Variants in POT1 observed in about 807,000 individuals in gnomAD.
POT1 encodes protection of telomeres 1.
A neutral mutation model predicts 78.5 loss-of-function variants in POT1; 47 were observed. That is an observed-to-expected ratio of 0.60 (90% CI 0.47 to 0.76). The LOEUF (loss-of-function observed/expected upper bound fraction) is 0.76, where lower values mean the gene tolerates loss of function less well. Among genes scored for constraint, POT1 ranks in the 30% least tolerant of loss-of-function variants. The pLI is 0.00. For synonymous variants in POT1, 259 were observed against 260.7 expected (o/e 0.99, Z 0.06); for missense variants, 646 against 749.9 (o/e 0.86, Z 1.62).
chr7:124,833,309 G>T (rs1224002753), intron 15 of POT1, among the ~76,000 whole-genome samples: 1 of 152,080 alleles, frequency 6.6e-6, no homozygotes, highest in African/African-American at 2.4e-5. Context: ...AATTAGGGAG[G>T]TATCATGCTT....
chr7:124,927,919 G>C (rs1159246472), intron 2 of POT1, among the ~76,000 whole-genome samples: 1 of 151,934 alleles, frequency 6.6e-6, no homozygotes, highest in Non-Finnish European at 1.5e-5. Context: ...ATCCTGTCAG[G>C]TCTAAAGGAA....
At chr7:124,914,974 C>T (rs1055633838) in intron 3 of POT1, among the ~76,000 whole-genome samples, 2 of 152,134 alleles carry the variant, frequency 1.3e-5, no homozygotes, top group African/African-American at 2.4e-5. Flanking sequence ...TGCTCTACCA[C>T]CTTAACTTGC....
At chr7:124,842,265 T>C (rs752483722) in intron 13 of POT1, among the ~76,000 whole-genome samples, 9 of 152,030 alleles carry the variant, frequency 5.9e-5, no homozygotes, top group Admixed American at 4.6e-4. Context: ...GAGCCGATTA[T>C]GTAGTAAAAG....
intron 11 of POT1, among the ~76,000 whole-genome samples, chr7:124,851,025 G>T (rs1290552424): frequency 6.6e-6 from 1 of 152,056 alleles, no homozygotes; most frequent in African/African-American, 2.4e-5. Flanking sequence ...CAGAATTTTG[G>T]GAGGCTAAGG....
Position 124,823,855 on chromosome 7 carries a change from A to G in POT1, c.*107T>C, listed in dbSNP as rs1273379591. 7 of 734,568 alleles carry G rather than the reference A, an allele frequency of 9.5e-6. No homozygotes were observed. The highest frequency in any genetic ancestry group is 4.6e-4 in the Middle Eastern group (2 of 4,332). The allele number at this position is 734,568 out of a possible 1,614,324, so 45.5% of individuals were successfully genotyped here. ...AAGGACATTTTCTAATCCCATACCC[A>G]TGCTAACATCATCAACATTGCTGAT... On this transcript the variant is annotated 3_prime_UTR_variant, in exon 19 of 19. Coordinates refer to ENST00000357628, the MANE Select transcript of POT1 (RefSeq NM_015450.3).
chr7:124,828,891 AGTTTCAG>A (rs1473506707), intron 16 of POT1: 1 of 539,714 alleles, frequency 1.9e-6, no homozygotes, highest in East Asian at 5.0e-5. Flanking sequence ...CTGAGTGTCC[AGTTTCAG>A]GTAAATAATA....
chr7:124,858,747 A>C (rs1324470298), intron 9 of POT1: 7 of 351,190 alleles, frequency 2.0e-5, no homozygotes, highest in East Asian at 9.0e-5. Context: ...ACATTTAAGA[A>C]AGATTATTTT....
intron 15 of POT1, among the ~76,000 whole-genome samples, chr7:124,834,804 T>C (rs1226708430): frequency 2.0e-5 from 3 of 152,208 alleles, no homozygotes; most frequent in African/African-American, 2.4e-5. Flanking sequence ...TGTACGTTTA[T>C]TGCAGCACTA....
chr7:124,900,278 C>G (rs1020598481), intron 3 of POT1, among the ~76,000 whole-genome samples: 1 of 151,960 alleles, frequency 6.6e-6, no homozygotes, highest in Non-Finnish European at 1.5e-5. Flanking sequence ...TTATTTTGAG[C>G]CACTGCTACA....
chr7:124,926,739 T>A (rs573227087), intron 2 of POT1, among the ~76,000 whole-genome samples: 5 of 152,358 alleles, frequency 3.3e-5, no homozygotes, highest in African/African-American at 1.2e-4. Context: ...CAATACTATT[T>A]AGACATTAAA....
chr7:124,870,174 TA>T (rs2116564930), intron 7 of POT1, among the ~76,000 whole-genome samples: 1 of 152,222 alleles, frequency 6.6e-6, no homozygotes, highest in East Asian at 1.9e-4. Context: ...ACAAAATATT[TA>T]AAAGCTGTCC....
intron 12 of POT1, among the ~76,000 whole-genome samples, chr7:124,844,833 A>T (rs1239632452): frequency 6.6e-6 from 1 of 151,948 alleles, no homozygotes; most frequent in Admixed American, 6.6e-5. Flanking sequence ...TCATATTTTA[A>T]CCTAAAGTTT....
chr7:124,841,866 T>G (rs967343231), intron 13 of POT1, among the ~76,000 whole-genome samples: 5 of 152,012 alleles, frequency 3.3e-5, no homozygotes, highest in African/African-American at 1.2e-4. Context: ...TGATAATATT[T>G]GAAGAATTAT....
intron 3 of POT1, among the ~76,000 whole-genome samples, chr7:124,906,863 G>A (rs1405432046): frequency 2.0e-5 from 3 of 151,940 alleles, no homozygotes; most frequent in Non-Finnish European, 4.4e-5. Context: ...AAACATTCAA[G>A]TACACAGAGG....
intron 3 of POT1, among the ~76,000 whole-genome samples, chr7:124,902,261 A>C (rs182257348): frequency 1.2e-3 from 181 of 152,316 alleles, no homozygotes; most frequent in African/African-American, 4.1e-3. Context: ...AAAAAATGTT[A>C]AGAGCAGCCA....
chr7:124,900,170 A>C (rs1039249033), intron 3 of POT1, among the ~76,000 whole-genome samples: 2 of 152,176 alleles, frequency 1.3e-5, no homozygotes, highest in African/African-American at 4.8e-5. Flanking sequence ...TCTCATCCCA[A>C]GCAACTCTGC....
At chr7:124,926,198 A>G (rs558392123) in intron 2 of POT1, among the ~76,000 whole-genome samples, 3 of 152,210 alleles carry the variant, frequency 2.0e-5, no homozygotes, top group Non-Finnish European at 4.4e-5. Context: ...CAAACTATAC[A>G]TTCAACAGAG....
chr7:124,823,781 C>T lies in POT1; in HGVS notation c.*181G>A. ...GCAAAACAGAAAGCAAAACAAAATCCATAGCCATTATTTACCTTGCACCCA... is the reference window on the plus strand; with the variant it reads ...GCAAAACAGAAAGCAAAACAAAATCTATAGCCATTATTTACCTTGCACCCA... On this transcript the variant is annotated 3_prime_UTR_variant, in exon 19 of 19. Transcript: ENST00000357628. 1.8e-6 allele frequency: 1 copy of T among 547,164 alleles called. No individual in the cohort carries two copies. Among genetic ancestry groups the T allele is most frequent in the Non-Finnish European group, 3.2e-6 (1 of 312,360 alleles). 33.9% of individuals were successfully genotyped at this position (547,164 alleles called of 1,614,324 possible). A position where few individuals can be genotyped will look rare whatever the true frequency, so the allele number is the denominator to read the frequency against.
At chr7:124,858,427 T>C (rs528170397) in intron 9 of POT1, among the ~76,000 whole-genome samples, 130 of 152,232 alleles carry the variant, frequency 8.5e-4, no homozygotes, top group Middle Eastern at 6.8e-3. Flanking sequence ...ACTGTGCACC[T>C]TAATGTATTT....
Sources: allele counts gnomAD v4.1 joint callset (sites outside exome capture counted in the v4.1 genomes callset), GRCh38; gene constraint gnomAD v4.1.1; transcripts MANE v1.5; gene names NCBI Gene and HGNC (gene_info 2026-07-23, HGNC 2026-07-21).